Variants in CDH13 observed in about 807,000 individuals in gnomAD.
CDH13 encodes cadherin 13.
In CDH13, 24 loss-of-function variants were observed where a neutral mutation model predicts 63.8. The ratio of observed to expected loss-of-function variants is 0.38; its 90% CI spans 0.27 to 0.53. The LOEUF is 0.53. CDH13 is among the 20% of genes least tolerant of loss of function. The pLI is 0.85. For missense variants in CDH13, 1,049 were observed against 903.1 expected, an observed-to-expected ratio of 1.16 and a Z score of -2.07; for synonymous variants, 503 against 355.3, an observed-to-expected ratio of 1.42 and a Z score of -4.67.
intron 2 of CDH13, among the ~76,000 whole-genome samples, chr16:83,021,422 G>A (rs929638400): frequency 3.3e-5 from 5 of 152,266 alleles, no homozygotes; most frequent in South Asian, 2.1e-4. Context: ...AGGAATCCAC[G>A]GCAAGAGGAG....
At chr16:83,494,858 T>G (rs1756663748) in intron 7 of CDH13, among the ~76,000 whole-genome samples, 1 of 152,236 alleles carries the variant, frequency 6.6e-6, no homozygotes, top group African/African-American at 2.4e-5. Context: ...TCGTATTATT[T>G]AGTTGAACAC....
At chr16:83,387,089 A>G (rs1371138718) in intron 6 of CDH13, among the ~76,000 whole-genome samples, 1 of 152,208 alleles carries the variant, frequency 6.6e-6, no homozygotes, top group Non-Finnish European at 1.5e-5. Flanking sequence ...TTATAGAGGC[A>G]GGGGAGGAAA....
rs1394339220 is a variant in CDH13, at chr16:83,635,223, C to T, written c.1101+32629C>T. Among the ~76,000 whole-genome samples, 2 of 152,098 alleles carry T rather than the reference C, an allele frequency of 1.3e-5. 1 individual carries two copies. Among genetic ancestry groups the T allele is most frequent in the Middle Eastern group, 6.8e-3 (2 of 294 alleles). ...AAACATCTTTGCATGTGCTTATTTG[C>T]CGTCAGTGTTCTCTTTGGTGAAATG... is the stretch of plus-strand genomic sequence containing the variant. On this transcript the variant is annotated intron_variant, in intron 8 of 13. Coordinates refer to ENST00000567109, the MANE Select transcript of CDH13 (RefSeq NM_001257.5).
intron 3 of CDH13, among the ~76,000 whole-genome samples, chr16:83,038,292 C>A (rs1350318436): frequency 1.3e-5 from 2 of 152,160 alleles, no homozygotes; most frequent in Admixed American, 6.6e-5. Context: ...AAAACATATA[C>A]CCCAAATCTG....
chr16:82,914,533 G>C (rs1290914504), intron 2 of CDH13, among the ~76,000 whole-genome samples: 1 of 152,202 alleles, frequency 6.6e-6, no homozygotes, highest in Non-Finnish European at 1.5e-5. Flanking sequence ...TAAGGACCCA[G>C]ACACTCCTAA....
At chr16:83,718,611 G>A (rs990203277) in intron 10 of CDH13, among the ~76,000 whole-genome samples, 1 of 152,014 alleles carries the variant, frequency 6.6e-6, no homozygotes, top group Admixed American at 6.5e-5. Context: ...TCGAGGTGCC[G>A]GTGGGTGTGT....
Position 83,182,046 on chromosome 16 carries a change from T to C in CDH13, c.484-35299T>C, listed in dbSNP as rs536313766. Among the ~76,000 whole-genome samples the C allele has an allele frequency of 1.5e-3, 228 of 152,264 alleles. 1 individual carries two copies. Among genetic ancestry groups the C allele is most frequent in the African/African-American group, 4.7e-3 (196 of 41,546 alleles). ...GCTATTGTGGGACTACTTGGGAACA[T>C]AGGAAAAGTGTGCATTGTCTGGTAC... On this transcript the variant is annotated intron_variant, in intron 4 of 13. Coordinates refer to ENST00000567109, the MANE Select transcript of CDH13 (RefSeq NM_001257.5).
At chr16:82,896,268 G>A (rs985030888) in intron 2 of CDH13, among the ~76,000 whole-genome samples, 2 of 103,446 alleles carry the variant, frequency 1.9e-5, no homozygotes, top group African/African-American at 7.4e-5. Flanking sequence ...CTGAGAACTA[G>A]GATTAGGATT....
chr16:82,915,759 C>T (rs988378381), intron 2 of CDH13, among the ~76,000 whole-genome samples: 2 of 151,124 alleles, frequency 1.3e-5, no homozygotes, highest in Non-Finnish European at 2.9e-5. Context: ...CTGATTCTTC[C>T]CTTGGATTTG....
rs183382746 is a variant in CDH13 at position 83,494,948 on chromosome 16, A to G, written c.960+8293A>G. On this transcript the variant is annotated intron_variant, in intron 7 of 13. Coordinates refer to ENST00000567109, the MANE Select transcript of CDH13 (RefSeq NM_001257.5). ...CACATTCAACAATGAAAGGCACTTC[A>G]AGTTATAGGATCATCTATTGCATTG... 4.2e-3 allele frequency among the ~76,000 whole-genome samples: 636 copies of G among 152,356 alleles called. 6 individuals are homozygous for G. Among genetic ancestry groups the G allele is most frequent in the African/African-American group, 0.015 (612 of 41,600 alleles).
chr16:82,772,365 G>A (rs147850767), intron 1 of CDH13, among the ~76,000 whole-genome samples: 2 of 152,278 alleles, frequency 1.3e-5, no homozygotes, highest in Non-Finnish European at 2.9e-5. Context: ...TGTGGATGGT[G>A]CAGGGACAGC....
intron 2 of CDH13, among the ~76,000 whole-genome samples, chr16:83,001,140 T>C (rs1001985699): frequency 1.4e-4 from 21 of 152,240 alleles, no homozygotes; most frequent in African/African-American, 4.8e-4. Flanking sequence ...CGTAAGTCCC[T>C]TGAAGAAAAA....
At chr16:83,532,802 T>C (rs1170072792) in intron 7 of CDH13, among the ~76,000 whole-genome samples, 1 of 152,232 alleles carries the variant, frequency 6.6e-6, no homozygotes, top group Admixed American at 6.5e-5. Flanking sequence ...AGTTGTCCCA[T>C]TAAGCCATGT....
At chr16:83,453,311 A>G (rs767337262) in intron 6 of CDH13, among the ~76,000 whole-genome samples, 2 of 152,182 alleles carry the variant, frequency 1.3e-5, no homozygotes, top group Non-Finnish European at 2.9e-5. Context: ...ACAAATTACC[A>G]CTAAAGAACT....
chr16:83,440,502 A>G (rs2072449010), intron 6 of CDH13, among the ~76,000 whole-genome samples: 1 of 152,240 alleles, frequency 6.6e-6, no homozygotes, highest in African/African-American at 2.4e-5. Flanking sequence ...AGCAAGGGCC[A>G]GGCACGGTGG....
chr16:83,385,093 C>G (rs2091646698), intron 6 of CDH13, among the ~76,000 whole-genome samples: 1 of 152,206 alleles, frequency 6.6e-6, no homozygotes, highest in African/African-American at 2.4e-5. Flanking sequence ...CATGAAATTG[C>G]ATGCATTAGC....
At chr16:82,648,733 T>A (rs962333162) in intron 1 of CDH13, among the ~76,000 whole-genome samples, 1 of 152,012 alleles carries the variant, frequency 6.6e-6, no homozygotes, top group Admixed American at 6.6e-5. Context: ...ACATCTATAA[T>A]GAAAAATACA....
chr16:83,356,432 A>G (rs996560166), intron 6 of CDH13, among the ~76,000 whole-genome samples: 1 of 152,122 alleles, frequency 6.6e-6, no homozygotes, highest in African/African-American at 2.4e-5. Context: ...TCGAAGATTC[A>G]TAAAGCATGC....
At chr16:83,673,858 C>T (rs913445607) in intron 9 of CDH13, among the ~76,000 whole-genome samples, 10 of 152,188 alleles carry the variant, frequency 6.6e-5, no homozygotes, top group African/African-American at 2.4e-4. Flanking sequence ...AGCTTGTCCG[C>T]CCTCCCTGCA....
Sources: allele counts gnomAD v4.1 joint callset (sites outside exome capture counted in the v4.1 genomes callset), GRCh38; gene constraint gnomAD v4.1.1; transcripts MANE v1.5; gene names NCBI Gene and HGNC (gene_info 2026-07-23, HGNC 2026-07-21).